Variants in TCEA1 observed in about 807,000 individuals in gnomAD.
The protein encoded by TCEA1 is transcription elongation factor A1.
TCEA1 carries 21 observed loss-of-function variants against 43.8 expected under a neutral mutation model. The observed-to-expected ratio is 0.48, with a 90% CI of 0.34 to 0.69. The LOEUF is 0.69. Among genes scored for constraint, TCEA1 ranks in the 30% least tolerant of loss-of-function variants. The probability of loss-of-function intolerance (pLI) is 0.01; values close to 1 mark genes in which losing one functional copy is unlikely to be tolerated. For missense variants in TCEA1, 250 were observed against 365.1 expected, an observed-to-expected ratio of 0.68 and a Z score of 2.57; for synonymous variants, 104 against 117.5, an observed-to-expected ratio of 0.88 and a Z score of 0.75.
intron 4 of TCEA1, 73 bp downstream of exon 4, chr8:53,993,594 AT>A (rs377280005): frequency 8.0e-7 from 1 of 1,249,684 alleles, no homozygotes; most frequent in African/African-American, 1.5e-5. Context: ...ATAGGGGAAC[AT>A]TAGACAGGGG....
rs1803008799 is a variant in TCEA1, at chr8:53,967,105, C to T, written c.*999G>A. 1 of 212,348 alleles carries T rather than the reference C, an allele frequency of 4.7e-6. No homozygotes were observed. Among genetic ancestry groups the T allele is most frequent in the Admixed American group, 5.9e-5 (1 of 17,050 alleles). The allele number at this position is 212,348 out of a possible 1,614,324, so 13.2% of individuals were successfully genotyped here. A position where few individuals can be genotyped will look rare whatever the true frequency, so the allele number is the denominator to read the frequency against. ...TGACAGAAAAAGTCAGCAAATAAGA[C>T]TTGGGACAAAATTATTTTCTATCAG... On this transcript the variant is annotated 3_prime_UTR_variant, in exon 10 of 10. Coordinates refer to ENST00000521604, the MANE Select transcript of TCEA1 (RefSeq NM_006756.4).
chr8:53,986,190 T>C (rs1421137743), intron 6 of TCEA1, among the ~76,000 whole-genome samples: 1 of 152,200 alleles, frequency 6.6e-6, no homozygotes, highest in Non-Finnish European at 1.5e-5. Flanking sequence ...CAGCAGTAGT[T>C]TTGAAAGCCA....
chr8:53,974,689 G>A (rs1471600665), intron 8 of TCEA1, among the ~76,000 whole-genome samples: 1 of 151,946 alleles, frequency 6.6e-6, no homozygotes, highest in Non-Finnish European at 1.5e-5. Context: ...CAACACGCCT[G>A]CCTAATTTTT....
chr8:54,016,175 A>C (rs1267656254), intron 1 of TCEA1, among the ~76,000 whole-genome samples: 1 of 152,214 alleles, frequency 6.6e-6, no homozygotes, highest in African/African-American at 2.4e-5. Context: ...TATACACCCA[A>C]CAGAAATGAA....
rs112245710 is a variant in TCEA1, at chr8:54,021,786, C to T, written c.63+277G>A. 85 of 324,226 alleles carry T rather than the reference C, an allele frequency of 2.6e-4. 1 individual carries two copies. The highest frequency in any genetic ancestry group is 3.9e-4 in the South Asian group (3 of 7,692). The allele number at this position is 324,226 out of a possible 1,614,324, so 20.1% of individuals were successfully genotyped here. A position where few individuals can be genotyped will look rare whatever the true frequency, so the allele number is the denominator to read the frequency against. ...TACTAGCACGAAAGTTTAAAGTCAA[C>T]GGAGAGCGTGCCCTAATCCCTAAAT... On this transcript the variant is annotated intron_variant, in intron 1 of 9. Coordinates refer to ENST00000521604, the MANE Select transcript of TCEA1 (RefSeq NM_006756.4).
chr8:54,007,285 A>T (rs1586030025), intron 2 of TCEA1, among the ~76,000 whole-genome samples: 1 of 152,342 alleles, frequency 6.6e-6, no homozygotes, highest in African/African-American at 2.4e-5. Flanking sequence ...TATAATATAA[A>T]ATTACAAAAT....
At chr8:54,006,695 C>G (rs1420742391) in intron 2 of TCEA1, among the ~76,000 whole-genome samples, 1 of 152,214 alleles carries the variant, frequency 6.6e-6, no homozygotes, top group Non-Finnish European at 1.5e-5. Context: ...TGGTAAGGAA[C>G]TATCTCAAAG....
intron 1 of TCEA1, among the ~76,000 whole-genome samples, chr8:54,016,628 C>G (rs1001540271): frequency 6.6e-6 from 1 of 151,912 alleles, no homozygotes; most frequent in African/African-American, 2.4e-5. Context: ...CACCTGAGAT[C>G]AGGAGTTCTA....
chr8:54,000,095 A>G, intron 2 of TCEA1, 45 bp from the exon 3 acceptor site: 1 of 1,143,206 alleles, frequency 8.7e-7, no homozygotes, highest in Non-Finnish European at 1.2e-6. Context: ...ATTTTATTTT[A>G]AACAAATTAG....
intron 1 of TCEA1, among the ~76,000 whole-genome samples, chr8:54,011,607 C>G (rs548990655): frequency 1.0e-3 from 159 of 152,268 alleles, no homozygotes; most frequent in Middle Eastern, 3.4e-3. Flanking sequence ...AAAACAGGCA[C>G]CCTACAAATC....
At chr8:54,012,594 T>C (rs1804686488) in intron 1 of TCEA1, among the ~76,000 whole-genome samples, 1 of 152,128 alleles carries the variant, frequency 6.6e-6, no homozygotes, top group African/African-American at 2.4e-5. Context: ...AAAGAAATGT[T>C]AATGTCTGGT....
At chr8:53,993,225 A>G (rs1308038403) in intron 4 of TCEA1, among the ~76,000 whole-genome samples, 1 of 146,798 alleles carries the variant, frequency 6.8e-6, no homozygotes, top group Non-Finnish European at 1.5e-5. Flanking sequence ...CTCCCACCTC[A>G]GCTTCCCAAA....
At chr8:53,970,948 C>T (rs1803138485) in intron 8 of TCEA1, among the ~76,000 whole-genome samples, 2 of 152,134 alleles carry the variant, frequency 1.3e-5, no homozygotes, top group Non-Finnish European at 2.9e-5. Context: ...TGTCTGTAAC[C>T]TAGAAACTTG....
At chr8:53,984,235 T>A (rs369264105) in intron 7 of TCEA1, 128 bp downstream of exon 7, 19 of 880,984 alleles carry the variant, frequency 2.2e-5, no homozygotes, top group East Asian at 2.9e-5. Flanking sequence ...GTCTAGTATA[T>A]AAATATATCA....
intron 2 of TCEA1, among the ~76,000 whole-genome samples, chr8:54,008,054 C>A (rs1213712616): frequency 2.0e-5 from 3 of 151,180 alleles, no homozygotes; most frequent in African/African-American, 7.3e-5. Context: ...TGGCGGCAGG[C>A]GCCCGTAATC....
chr8:53,993,541 T>C, intron 4 of TCEA1, 127 bp downstream of exon 4: 1 of 684,808 alleles, frequency 1.5e-6, no homozygotes, highest in Non-Finnish European at 2.5e-6. Context: ...GCTACATACA[T>C]TTACTACTTC....
In TCEA1 at chr8:53,968,103, C is replaced by T; in HGVS notation, c.*1G>A. ...CCAGATATTTTGCCAATTCTTCCAA[C>T]TCAACAGAACTGTCAAAAAAGAAAA... On this transcript the variant is annotated 3_prime_UTR_variant, in exon 10 of 10. Coordinates refer to ENST00000521604, the MANE Select transcript of TCEA1 (RefSeq NM_006756.4). The T allele has an allele frequency of 6.6e-7, 1 of 1,525,064 alleles. No homozygotes were observed. The highest frequency in any genetic ancestry group is 8.9e-7 in the Non-Finnish European group (1 of 1,128,348). 94.5% of individuals were successfully genotyped at this position (1,525,064 alleles called of 1,614,324 possible).
chr8:53,998,652 A>C (rs1804144372), intron 3 of TCEA1, among the ~76,000 whole-genome samples: 1 of 152,190 alleles, frequency 6.6e-6, no homozygotes. Flanking sequence ...TCAACAAAAA[A>C]TTGACAGCCC....
At chr8:54,008,142 C>T (rs1412698243) in intron 2 of TCEA1, among the ~76,000 whole-genome samples, 2 of 136,704 alleles carry the variant, frequency 1.5e-5, no homozygotes, top group African/African-American at 5.5e-5. Flanking sequence ...CACTGCACTC[C>T]ATCCTGGGCC....
Sources: allele counts gnomAD v4.1 joint callset (sites outside exome capture counted in the v4.1 genomes callset), GRCh38; gene constraint gnomAD v4.1.1; transcripts MANE v1.5; gene names NCBI Gene and HGNC (gene_info 2026-07-23, HGNC 2026-07-21).